SLC3A1: variants seen among roughly 807,000 people sequenced by gnomAD.
The protein encoded by SLC3A1 is solute carrier family 3 member 1.
Under a neutral mutation model 60.3 loss-of-function variants are expected in SLC3A1, and 78 were observed. The ratio of observed to expected loss-of-function variants is 1.29; its 90% CI spans 1.08 to 1.56. The LOEUF (loss-of-function observed/expected upper bound fraction) is 1.56. SLC3A1 is among the 40% of genes most tolerant of loss of function. The pLI is 0.00. For synonymous variants in SLC3A1, 392 were observed against 307.9 expected, an observed-to-expected ratio of 1.27 and a Z score of -2.86; for missense variants, 1,172 against 858.9, an observed-to-expected ratio of 1.36 and a Z score of -4.56.
At chr2:44,280,050 G>A (rs999446510) in intron 1 of SLC3A1, among the ~76,000 whole-genome samples, 1 of 152,074 alleles carries the variant, frequency 6.6e-6, no homozygotes, top group Non-Finnish European at 1.5e-5. Context: ...GGGGCCATGC[G>A]TTACTCTGCT....
chr2:44,311,763 G>T (rs528521628), intron 7 of SLC3A1, among the ~76,000 whole-genome samples: 7 of 150,928 alleles, frequency 4.6e-5, no homozygotes, highest in Non-Finnish European at 1.0e-4. Flanking sequence ...TTGAATTGTA[G>T]CAATTAAGTC....
chr2:44,296,079 C>A (rs1671840030), intron 4 of SLC3A1, among the ~76,000 whole-genome samples: 1 of 152,160 alleles, frequency 6.6e-6, no homozygotes, highest in African/African-American at 2.4e-5. Context: ...ATAGTAAGGT[C>A]ACTCCTGAAG....
chr2:44,297,040 C>G (rs567289030), intron 4 of SLC3A1, among the ~76,000 whole-genome samples: 7 of 152,176 alleles, frequency 4.6e-5, no homozygotes. Context: ...TTAGATATGT[C>G]TCTATTAGCA....
intron 3 of SLC3A1, among the ~76,000 whole-genome samples, chr2:44,284,024 A>T (rs1671556401): frequency 6.6e-6 from 1 of 151,982 alleles, no homozygotes; most frequent in Non-Finnish European, 1.5e-5. Context: ...TTTTTTTATT[A>T]TGAACAATGT....
At chr2:44,279,162 C>G (rs1299190924) in intron 1 of SLC3A1, among the ~76,000 whole-genome samples, 1 of 152,050 alleles carries the variant, frequency 6.6e-6, no homozygotes, top group Non-Finnish European at 1.5e-5. Flanking sequence ...TCGTCCCCAG[C>G]TAATTTTTGT....
Position 44,304,339 on chromosome 2 carries a change from G to GT in SLC3A1, c.1332+2dup, listed in dbSNP as rs756188795. ...AGAAGGAAAATGGCCTAACTGGATG[G>GT]TAAGTCCTCATGACAGCAGAGTACA... On this transcript the variant is annotated splice_donor_variant, in intron 7 of 9. Transcript: ENST00000260649. LOFTEE classifies it high-confidence loss of function. 1.9e-6 allele frequency: 3 copies of GT among 1,611,416 alleles called. No homozygotes were observed. The African/African-American group carries it at 4.0e-5, about 22-fold the overall frequency.
chr2:44,321,236 AT>A lies in SLC3A1; in HGVS notation c.*601del. 2.2e-6 allele frequency: 2 copies of A among 898,804 alleles called. No individual in the cohort carries two copies. Among genetic ancestry groups the A allele is most frequent in the South Asian group, 3.6e-5 (2 of 56,102 alleles). 55.7% of individuals were successfully genotyped at this position (898,804 alleles called of 1,614,324 possible). A position where few individuals can be genotyped will look rare whatever the true frequency, so the allele number is the denominator to read the frequency against. On this transcript the variant is annotated 3_prime_UTR_variant, in exon 10 of 10. Transcript: ENST00000260649. ...AAGCAAAATTTAGATGGAGAAGCAC[AT>A]TTTAAAAAATTAATAACTTAAAAGT...
At chr2:44,303,133 G>A (rs1167752518) in intron 6 of SLC3A1, among the ~76,000 whole-genome samples, 3 of 151,584 alleles carry the variant, frequency 2.0e-5, no homozygotes, top group Non-Finnish European at 2.9e-5. Context: ...CCTGGGAGGT[G>A]GAGGTTGCAG....
chr2:44,299,865 A>C, intron 4 of SLC3A1, 106 bp from the exon 5 acceptor site: 7 of 1,087,836 alleles, frequency 6.4e-6, no homozygotes, highest in South Asian at 3.8e-5. Context: ...TTCTGTATGT[A>C]GATATCTGTT....
chr2:44,278,109 C>T (rs1273586282), intron 1 of SLC3A1, among the ~76,000 whole-genome samples: 4 of 152,100 alleles, frequency 2.6e-5, no homozygotes, highest in African/African-American at 9.7e-5. Context: ...TGAGATCTTG[C>T]AGCTACCCAT....
chr2:44,310,762 T>C (rs1309700493), intron 7 of SLC3A1, among the ~76,000 whole-genome samples: 1 of 152,026 alleles, frequency 6.6e-6, no homozygotes, highest in East Asian at 1.9e-4. Context: ...ATTATGCATA[T>C]GTTGGTATGC....
intron 3 of SLC3A1, among the ~76,000 whole-genome samples, chr2:44,282,606 A>C (rs1406130189): frequency 6.6e-6 from 1 of 152,132 alleles, no homozygotes; most frequent in African/African-American, 2.4e-5. Context: ...GTGCATAAAA[A>C]ATTTTTTAGT....
At chr2:44,317,482 T>G (rs1428222545) in intron 9 of SLC3A1, 1 of 149,936 alleles carries the variant, frequency 6.7e-6, no homozygotes, top group Non-Finnish European at 1.5e-5. Context: ...AAAATTCAGT[T>G]CCCATGTCAT....
chr2:44,304,309 A>G lies in SLC3A1; in HGVS notation c.1303A>G (p.Met435Val). 6.2e-7 allele frequency: 1 copy of G among 1,614,182 alleles called. No homozygotes were observed. The highest frequency in any genetic ancestry group is 2.2e-5 in the East Asian group (1 of 44,886). ...YEVITSWMENMPEGKWPNWMI... is the reference protein window; with the variant it reads ...YEVITSWMENVPEGKWPNWMI... ...GGTTATCACATCCTGGATGGAAAAC[A>G]TGCCAGAAGGAAAATGGCCTAACTG... Residue 435 changes from methionine to valine, a missense_variant, in exon 7 of 10, where the codon ATG becomes GTG. Coordinates refer to ENST00000260649, the MANE Select transcript of SLC3A1 (RefSeq NM_000341.4).
At chr2:44,314,398 C>T (rs931338569) in intron 9 of SLC3A1, 1 of 269,226 alleles carries the variant, frequency 3.7e-6, no homozygotes, top group Non-Finnish European at 7.1e-6. Flanking sequence ...AGAAGCCATA[C>T]ATGATCCTTA....
chr2:44,277,240 A>G (rs1428943681), intron 1 of SLC3A1, among the ~76,000 whole-genome samples: 2 of 151,112 alleles, frequency 1.3e-5, no homozygotes, highest in Admixed American at 1.3e-4. Context: ...TCCGAGTAGC[A>G]GGGATTACAG....
intron 3 of SLC3A1, chr2:44,285,750 T>C (rs1414560073): frequency 1.3e-5 from 8 of 597,090 alleles, no homozygotes; most frequent in Admixed American, 1.1e-4. Flanking sequence ...TAATGTCAGT[T>C]CCTTAAGTTG....
chr2:44,294,489 TGA>T (rs1671806210), intron 4 of SLC3A1, among the ~76,000 whole-genome samples: 1 of 142,710 alleles, frequency 7.0e-6, no homozygotes, highest in Non-Finnish European at 1.5e-5. Flanking sequence ...GGTGACAGAG[TGA>T]GACTCCATCT....
intron 4 of SLC3A1, among the ~76,000 whole-genome samples, chr2:44,297,835 C>T (rs1283863634): frequency 2.0e-5 from 3 of 152,026 alleles, no homozygotes; most frequent in Non-Finnish European, 4.4e-5. Flanking sequence ...TGGGCTCAAG[C>T]GATCCTCCCA....
Sources: gnomAD v4.1 joint callset for allele counts (sites outside exome capture counted in the v4.1 genomes callset) on GRCh38, gnomAD v4.1.1 for gene constraint, MANE v1.5 for transcripts, NCBI Gene and HGNC (gene_info 2026-07-23, HGNC 2026-07-21) for gene names.